The following GALNT9 variants were observed in gnomAD, a reference collection of about 807,000 sequenced individuals.
The protein encoded by GALNT9 is polypeptide N-acetylgalactosaminyltransferase 9.
In GALNT9, 47 loss-of-function variants were observed where a neutral mutation model predicts 63.1. The observed-to-expected ratio is 0.75, with a 90% CI of 0.59 to 0.95. The LOEUF is 0.95. GALNT9 is among the 40% of genes least tolerant of loss of function. The probability of loss-of-function intolerance (pLI) is 0.00; values close to 1 mark genes in which losing one functional copy is unlikely to be tolerated. For missense variants in GALNT9, 829 were observed against 874.8 expected (o/e 0.95, Z 0.66); for synonymous variants, 396 against 365.7 (o/e 1.08, Z -0.94).
At chr12:132,218,495 TGA>T (rs555720105) in intron 6 of GALNT9, among the ~76,000 whole-genome samples, 157 of 152,378 alleles carry the variant, frequency 1.0e-3, no homozygotes, top group African/African-American at 3.7e-3. Flanking sequence ...TCATTGAACC[TGA>T]TTTTTAAAAA....
chr12:132,284,524 G>A (rs1880512076), intron 2 of GALNT9: 1 of 152,256 alleles, frequency 6.6e-6, no homozygotes, highest in East Asian at 1.9e-4. Context: ...TTTCACCGCT[G>A]CAAATGGAAA....
chr12:132,240,636 C>T (rs2136899010), intron 6 of GALNT9: 1 of 449,434 alleles, frequency 2.2e-6, no homozygotes, highest in South Asian at 1.6e-5. Flanking sequence ...CTCTATGGGC[C>T]TCGGACCTGC....
intron 2 of GALNT9, among the ~76,000 whole-genome samples, chr12:132,270,720 G>C (rs923750917): frequency 6.6e-6 from 1 of 152,114 alleles, no homozygotes; most frequent in Admixed American, 6.5e-5. Context: ...ACACGGCCAC[G>C]GCCACAGCCA....
rs150708052 is a variant in GALNT9, at chr12:132,240,203, C to T, written c.1077+7707G>A. On this transcript the variant is annotated intron_variant, in intron 6 of 10. Coordinates refer to ENST00000328957, the MANE Select transcript of GALNT9 (RefSeq NM_001122636.2). ...TGAGAGGAATCTCCTCTCTAAATGGCGGGGTTGAGTGGGGTGGTCGCCCTA... is the reference window on the plus strand; with the variant it reads ...TGAGAGGAATCTCCTCTCTAAATGGTGGGGTTGAGTGGGGTGGTCGCCCTA... 3.1e-3 allele frequency among the ~76,000 whole-genome samples: 476 copies of T among 152,200 alleles called. 1 individual carries two copies. Among genetic ancestry groups the T allele is most frequent in the Non-Finnish European group, 3.8e-3 (260 of 67,974 alleles).
At chr12:132,304,211 A>ACCCGGGCACAC (rs1555244245) in intron 1 of GALNT9, among the ~76,000 whole-genome samples, 4 of 29,772 alleles carry the variant, frequency 1.3e-4, no homozygotes, top group Non-Finnish European at 1.8e-4. Flanking sequence ...ACACGCCCTC[A>ACCCGGGCACAC]CCTGGGCACA....
chr12:132,205,405 G>C (rs552689814), intron 6 of GALNT9: 2 of 152,034 alleles, frequency 1.3e-5, no homozygotes, highest in South Asian at 2.1e-4. Context: ...TCCAGAGTCC[G>C]GGGCAGGAGG....
At chr12:132,271,161 G>A (rs2135550972) in intron 2 of GALNT9, among the ~76,000 whole-genome samples, 1 of 152,296 alleles carries the variant, frequency 6.6e-6, no homozygotes, top group African/African-American at 2.4e-5. Context: ...GTGGCCATGT[G>A]GGGCCACACG....
At chr12:132,207,620 G>C (rs4077838) in intron 6 of GALNT9, among the ~76,000 whole-genome samples, 1 of 151,952 alleles carries the variant, frequency 6.6e-6, no homozygotes, top group African/African-American at 2.4e-5. Flanking sequence ...CCGAAGCTAC[G>C]GGAGAGGCGA....
intron 2 of GALNT9, among the ~76,000 whole-genome samples, chr12:132,266,987 A>C (rs192891008): frequency 6.6e-6 from 1 of 152,286 alleles, no homozygotes; most frequent in African/African-American, 2.4e-5. Flanking sequence ...AACGTCACAG[A>C]CGCAGCCTCC....
In GALNT9 at chr12:132,196,784, GGGCTGTGGTACATGCAGAGGCGGC is replaced by G. The variant is rs1165230271; in HGVS notation, c.*299_*322del. On this transcript the variant is annotated 3_prime_UTR_variant, in exon 11 of 11. Transcript: ENST00000328957. ...GCTTGGCCTCCCTATGGGGCGTGGGGGGCTGTGGTACATGCAGAGGCGGCGGCTGTCCCAGCAGCCTGGCCAGGA... is the reference window on the plus strand; with the variant it reads ...GCTTGGCCTCCCTATGGGGCGTGGGGGGCTGTCCCAGCAGCCTGGCCAGGA... 9.0e-6 allele frequency: 10 copies of G among 1,109,294 alleles called. No homozygotes were observed. The highest frequency in any genetic ancestry group is 8.8e-6 in the Non-Finnish European group (8 of 906,290). The allele number at this position is 1,109,294 out of a possible 1,614,324, so 68.7% of individuals were successfully genotyped here.
At chr12:132,306,538 A>G (rs1555244662) in intron 1 of GALNT9, among the ~76,000 whole-genome samples, 1 of 152,198 alleles carries the variant, frequency 6.6e-6, no homozygotes, top group East Asian at 1.9e-4. Context: ...CAGTTCGGAC[A>G]TAGTGGCTTG....
chr12:132,230,669 A>T (rs1422319981), intron 6 of GALNT9, among the ~76,000 whole-genome samples: 2 of 152,204 alleles, frequency 1.3e-5, no homozygotes, highest in Non-Finnish European at 2.9e-5. Context: ...GCAGCCCTTA[A>T]ATCAGAAGGG....
chr12:132,226,127 CCA>C (rs1175368311), intron 6 of GALNT9, among the ~76,000 whole-genome samples: 4 of 142,326 alleles, frequency 2.8e-5, no homozygotes, highest in African/African-American at 7.9e-5. Context: ...CCCACACACC[CCA>C]CACTGTACAT....
At chr12:132,281,214 G>A (rs1344671728) in intron 2 of GALNT9, among the ~76,000 whole-genome samples, 3 of 152,244 alleles carry the variant, frequency 2.0e-5, no homozygotes, top group African/African-American at 4.8e-5. Context: ...CGGGGTCTGC[G>A]TTCTAAGTGG....
chr12:132,235,206 A>G (rs1877957446), intron 6 of GALNT9, among the ~76,000 whole-genome samples: 1 of 151,304 alleles, frequency 6.6e-6, no homozygotes. Context: ...CGATGGCGTG[A>G]GAGAGGAGAC....
rs1411187942 is a variant in GALNT9, at chr12:132,282,467, A to T, written c.419+3783T>A. Among the ~76,000 whole-genome samples the T allele has an allele frequency of 2.6e-5, 4 of 152,216 alleles. No individual in the cohort carries two copies. The highest frequency in any genetic ancestry group is 9.6e-5 in the African/African-American group (4 of 41,460). On this transcript the variant is annotated intron_variant, in intron 2 of 10. Transcript: ENST00000328957. This position sits in a 1 kb window ranked among gnomAD's most constrained non-coding sequence, Gnocchi z 4.5. ...TGTGTGCGTGTGCATGTGTGTGTGC[A>T]CGCATGTGGTAATTTATTGCAAAGT...
At chr12:132,262,400 C>T (rs1168032144) in intron 3 of GALNT9, 59 bp downstream of exon 3, 3 of 1,510,758 alleles carry the variant, frequency 2.0e-6, no homozygotes, top group South Asian at 1.3e-5. Context: ...CCAACCCCAA[C>T]TCAACCCAGC....
chr12:132,300,322 C>T (rs868938419), intron 1 of GALNT9, among the ~76,000 whole-genome samples: 2,402 of 139,660 alleles, frequency 0.017, 12 homozygotes, highest in African/African-American at 0.064. Context: ...AGATAACTCA[C>T]TCCCATAACT....
chr12:132,307,903 G>A lies in GALNT9; in HGVS notation c.238+21063C>T, dbSNP rs560583650. 1.1e-4 allele frequency among the ~76,000 whole-genome samples: 17 copies of A among 151,854 alleles called. No homozygotes were observed. In the East Asian group the frequency reaches 2.7e-3, roughly 24 times the overall value. On this transcript the variant is annotated intron_variant, in intron 1 of 10. Transcript: ENST00000328957. ...AGAGAGAAGTGGGCTGGGCGCAGTG[G>A]CTCACACCTGTAATCCCCGCACACT...
Sources: allele counts gnomAD v4.1 joint callset (sites outside exome capture counted in the v4.1 genomes callset), GRCh38; gene constraint gnomAD v4.1.1; non-coding constraint Gnocchi (gnomAD v3.1); transcripts MANE v1.5; gene names NCBI Gene and HGNC (gene_info 2026-07-23, HGNC 2026-07-21).